CD44: variants seen among roughly 807,000 people sequenced by gnomAD.
CD44 encodes the protein CD44 antigen.
Under a neutral mutation model 88.8 loss-of-function variants are expected in CD44, and 49 were observed. The observed-to-expected ratio is 0.55, with a 90% CI of 0.44 to 0.70. The LOEUF is 0.70. CD44 is among the 30% of genes least tolerant of loss of function. The probability of loss-of-function intolerance (pLI) is 0.00; values close to 1 mark genes in which losing one functional copy is unlikely to be tolerated. For synonymous variants in CD44, 325 were observed against 312.3 expected, an observed-to-expected ratio of 1.04 and a Z score of -0.43; for missense variants, 883 against 913.8, an observed-to-expected ratio of 0.97 and a Z score of 0.43.
At position 35,144,679 on chromosome 11, in the gene CD44, T is replaced by C. The variant is rs1858749124; in HGVS notation, c.67+5309T>C. Among the ~76,000 whole-genome samples the C allele has an allele frequency of 4.6e-5, 7 of 152,306 alleles. No homozygotes were observed. In the South Asian group the frequency reaches 1.4e-3, roughly 32 times the overall value. ...TCTGGCCAGGCATGGATACAGTCAT[T>C]GTGCGTTCCAGATTTTCTGGGAGAG... On this transcript the variant is annotated intron_variant, in intron 1 of 17. Coordinates refer to ENST00000428726, the MANE Select transcript of CD44 (RefSeq NM_000610.4).
At position 35,139,246 on chromosome 11, in the gene CD44, C is replaced by CCG; in HGVS notation, c.-54_-53dup. The stretch of plus-strand genomic sequence containing the variant: ...GTCCCGTCCTCCGCCGGCCCCTGCC[C>CCG]CGCGCCCAGGGATCCTCCAGCTCCT... On this transcript the variant is annotated 5_prime_UTR_variant, in exon 1 of 18. Transcript: ENST00000428726. The CCG allele has an allele frequency of 7.0e-7, 1 of 1,427,952 alleles. No homozygotes were observed. Among genetic ancestry groups the CCG allele is most frequent in the Non-Finnish European group, 9.7e-7 (1 of 1,034,852 alleles). 88.5% of individuals were successfully genotyped at this position (1,427,952 alleles called of 1,614,324 possible).
At chr11:35,165,027 A>G (rs1943104169) in intron 1 of CD44, among the ~76,000 whole-genome samples, 1 of 152,098 alleles carries the variant, frequency 6.6e-6, no homozygotes, top group Non-Finnish European at 1.5e-5. Flanking sequence ...TTTTCCACCA[A>G]GGCTCTTAGG....
Position 35,231,784 on chromosome 11 carries a change from A to T in CD44, c.*2451A>T, listed in dbSNP as rs1283418763. 6.6e-6 allele frequency: 1 copy of T among 152,234 alleles called. No individual in the cohort carries two copies. Among genetic ancestry groups the T allele is most frequent in the Non-Finnish European group, 1.5e-5 (1 of 68,030 alleles). The allele number at this position is 152,234 out of a possible 1,614,324, so 9.4% of individuals were successfully genotyped here. On this transcript the variant is annotated 3_prime_UTR_variant, in exon 18 of 18. Coordinates refer to ENST00000428726, the MANE Select transcript of CD44 (RefSeq NM_000610.4). ...GCTAAGTCATTTAAACTGGGTCTTT[A>T]TAAAAGTAAAAGGCCAACATTTAAT...
At position 35,209,028 on chromosome 11, in the gene CD44, G is replaced by T. The variant is rs556753555; in HGVS notation, c.1516+822G>T. On this transcript the variant is annotated intron_variant, in intron 12 of 17. Transcript: ENST00000428726. ...AGGAGATGCAAATAAGCCTATGAAT[G>T]GTCCTTGCCAAAGAAGGACTTATAT... is the stretch of plus-strand genomic sequence containing the variant. 8.9e-4 allele frequency among the ~76,000 whole-genome samples: 136 copies of T among 152,284 alleles called. 1 individual carries two copies. In the South Asian group the frequency reaches 0.028, roughly 31 times the overall value.
In CD44 at chr11:35,206,227, A is replaced by G. The variant is rs1193217328; in HGVS notation, c.1398A>G (p.Gln466=). Residue 466 remains glutamine, a synonymous_variant, in exon 11 of 18, where the codon CAA becomes CAG. Transcript: ENST00000428726. The part of the protein sequence containing the change: ...PISHPMGRGH[Q]AGRRMDMDSS... ...CACACCCCATGGGACGAGGTCATCA[A>G]GCAGGAAGAAGGATGGGTAATAGCC... 1 of 1,609,570 alleles carries G rather than the reference A, an allele frequency of 6.2e-7. No individual in the cohort carries two copies.
intron 5 of CD44, among the ~76,000 whole-genome samples, chr11:35,192,337 A>G (rs1355251099): frequency 1.3e-5 from 2 of 152,236 alleles, no homozygotes; most frequent in Non-Finnish European, 2.9e-5. Context: ...TGAACGTAGC[A>G]TAATGGCATG....
intron 12 of CD44, 118 bp from the exon 13 acceptor site, chr11:35,209,847 G>T: frequency 1.6e-6 from 1 of 644,652 alleles, no homozygotes; most frequent in Non-Finnish European, 2.7e-6. Context: ...CACAAACCTT[G>T]GTCTTCCTAT....
chr11:35,147,456 G>A (rs1859387192), intron 1 of CD44, among the ~76,000 whole-genome samples: 2 of 152,152 alleles, frequency 1.3e-5, no homozygotes. Context: ...CCATCAGGGA[G>A]CAAGAGAGTT....
chr11:35,206,323 C>G (rs1947835565), intron 11 of CD44, 80 bp downstream of exon 11: 1 of 1,429,640 alleles, frequency 7.0e-7, no homozygotes, highest in Non-Finnish European at 9.4e-7. Flanking sequence ...TAGAAATATG[C>G]CCTTGGTTTT....
chr11:35,164,284 C>T (rs1449589151), intron 1 of CD44, among the ~76,000 whole-genome samples: 2 of 152,136 alleles, frequency 1.3e-5, no homozygotes, highest in African/African-American at 2.4e-5. Flanking sequence ...TGGCTCTTGC[C>T]ACATTCATAG....
intron 1 of CD44, among the ~76,000 whole-genome samples, chr11:35,141,692 C>T (rs564025616): frequency 5.9e-5 from 9 of 152,332 alleles, no homozygotes; most frequent in Non-Finnish European, 8.8e-5. Flanking sequence ...CGTGTTTCCA[C>T]GGCCCCTTTG....
At chr11:35,204,305 C>A (rs973528551) in intron 9 of CD44, among the ~76,000 whole-genome samples, 3 of 152,132 alleles carry the variant, frequency 2.0e-5, no homozygotes, top group Non-Finnish European at 4.4e-5. Flanking sequence ...CTTCTTTGGA[C>A]CACAATTTTC....
chr11:35,227,304 G>A (rs1166015824), intron 17 of CD44, among the ~76,000 whole-genome samples: 1 of 152,134 alleles, frequency 6.6e-6, no homozygotes, highest in African/African-American at 2.4e-5. Flanking sequence ...TCCCACCTCA[G>A]CCCCCAAAGT....
At chr11:35,141,288 C>G (rs182513112) in intron 1 of CD44, among the ~76,000 whole-genome samples, 15 of 152,132 alleles carry the variant, frequency 9.9e-5, no homozygotes, top group African/African-American at 3.6e-4. Context: ...ATATGTTAGA[C>G]TGTATAAGAT....
intron 1 of CD44, among the ~76,000 whole-genome samples, chr11:35,165,859 T>A (rs35796444): frequency 0.16 from 23,935 of 152,142 alleles, 2,058 homozygotes; most frequent in South Asian, 0.26. Flanking sequence ...CAGCAACCCA[T>A]GAATCAGCCC....
intron 13 of CD44, among the ~76,000 whole-genome samples, chr11:35,210,930 T>C (rs577367286): frequency 6.6e-6 from 1 of 152,322 alleles, no homozygotes; most frequent in East Asian, 1.9e-4. Context: ...GAACTCAAGA[T>C]TATCTAGTAC....
chr11:35,189,202 T>C (rs1025946867), intron 4 of CD44, among the ~76,000 whole-genome samples: 1 of 152,188 alleles, frequency 6.6e-6, no homozygotes, highest in African/African-American at 2.4e-5. Context: ...AATTTCCAGG[T>C]TGAATTTCAC....
rs183720574 is a variant in CD44, at chr11:35,222,982, C to T, written c.2024+1250C>T. Reference sequence around the variant, plus strand: ...CAGCTAATTCCAACACCATGGGCAGCCCATACAGTCTCTAATTATCTGAGA... The same window carrying T: ...CAGCTAATTCCAACACCATGGGCAGTCCATACAGTCTCTAATTATCTGAGA... On this transcript the variant is annotated intron_variant, in intron 17 of 17. Coordinates refer to ENST00000428726, the MANE Select transcript of CD44 (RefSeq NM_000610.4). The T allele has an allele frequency of 6.1e-4, 599 of 985,282 alleles. 2 individuals carry two copies. The African/African-American group carries it at 6.4e-3, about 11-fold the overall frequency. The allele number at this position is 985,282 out of a possible 1,614,324, so 61.0% of individuals were successfully genotyped here.
At chr11:35,139,512 A>G in intron 1 of CD44, 142 bp downstream of exon 1, 1 of 800,738 alleles carries the variant, frequency 1.2e-6, no homozygotes, top group Non-Finnish European at 2.2e-6. Context: ...TCCGGAAAGC[A>G]GGGCTGGGAT....
Sources: allele counts gnomAD v4.1 joint callset (sites outside exome capture counted in the v4.1 genomes callset), GRCh38; gene constraint gnomAD v4.1.1; transcripts MANE v1.5; gene names NCBI Gene and HGNC (gene_info 2026-07-23, HGNC 2026-07-21).